XYLT1: variants seen among roughly 807,000 people sequenced by gnomAD.
XYLT1 encodes the protein beta-D-xylosyltransferase 1.
In XYLT1, 36 loss-of-function variants were observed where a neutral mutation model predicts 91.3. The observed-to-expected ratio is 0.39, with a 90% CI of 0.30 to 0.52. XYLT1 has a LOEUF of 0.52. Ranked by LOEUF, XYLT1 falls within the 20% of genes least tolerant of loss-of-function variation. XYLT1 has a pLI of 0.68. For missense variants in XYLT1, 1,242 were observed against 1,284.5 expected (o/e 0.97, Z 0.51); for synonymous variants, 588 against 532.0 (o/e 1.11, Z -1.45).
chr16:17,272,809 G>C (rs1349898935), intron 2 of XYLT1, among the ~76,000 whole-genome samples: 3 of 152,196 alleles, frequency 2.0e-5, no homozygotes, highest in South Asian at 4.1e-4. Flanking sequence ...CAATGACACA[G>C]GCTCTTCCGG....
chr16:17,420,040 G>A (rs537106677), intron 1 of XYLT1, among the ~76,000 whole-genome samples: 1 of 152,330 alleles, frequency 6.6e-6, no homozygotes, highest in Non-Finnish European at 1.5e-5. Flanking sequence ...ACTGGGTGAA[G>A]TTTATTCAAA....
At chr16:17,254,779 G>A (rs1194983474) in intron 3 of XYLT1, among the ~76,000 whole-genome samples, 2 of 152,158 alleles carry the variant, frequency 1.3e-5, no homozygotes, top group Non-Finnish European at 2.9e-5. Context: ...TTACCAGTAA[G>A]CTTTCAGTCA....
intron 7 of XYLT1, among the ~76,000 whole-genome samples, chr16:17,140,704 G>C (rs1039724895): frequency 4.2e-5 from 6 of 144,220 alleles, no homozygotes; most frequent in Non-Finnish European, 9.0e-5. Context: ...TGATGTGGGT[G>C]TGTCCTGAAA....
chr16:17,166,177 G>A (rs548660582), intron 5 of XYLT1, among the ~76,000 whole-genome samples: 50 of 152,348 alleles, frequency 3.3e-4, no homozygotes, highest in Admixed American at 1.9e-3. Context: ...AGGACCTTCT[G>A]TCAAGCAACG....
intron 1 of XYLT1, chr16:17,369,831 G>C (rs1385871363): frequency 6.6e-6 from 1 of 152,144 alleles, no homozygotes; most frequent in East Asian, 1.9e-4. Flanking sequence ...AGCCGCCTTG[G>C]GCAGCTGCCT....
At chr16:17,183,690 T>C (rs2032118536) in intron 5 of XYLT1, among the ~76,000 whole-genome samples, 1 of 152,246 alleles carries the variant, frequency 6.6e-6, no homozygotes, top group Non-Finnish European at 1.5e-5. Flanking sequence ...TCAAGAAATG[T>C]CAGCAAATAT....
At chr16:17,416,438 T>C (rs1400580707) in intron 1 of XYLT1, among the ~76,000 whole-genome samples, 1 of 152,152 alleles carries the variant, frequency 6.6e-6, no homozygotes, top group Non-Finnish European at 1.5e-5. Context: ...TGAAAGGCCA[T>C]GTGTCCTGGT....
At chr16:17,415,729 A>T (rs546652072) in intron 1 of XYLT1, among the ~76,000 whole-genome samples, 56 of 152,092 alleles carry the variant, frequency 3.7e-4, no homozygotes, top group Admixed American at 3.4e-3. Flanking sequence ...ATAAATGGAG[A>T]GTTCAGATGG....
chr16:17,368,848 T>C (rs1192195851), intron 1 of XYLT1, among the ~76,000 whole-genome samples: 3 of 152,114 alleles, frequency 2.0e-5, no homozygotes, highest in African/African-American at 7.2e-5. Flanking sequence ...CCTCCCGAAT[T>C]GCTGGAATTG....
chr16:17,418,294 GA>G (rs2036205403), intron 1 of XYLT1, among the ~76,000 whole-genome samples: 1 of 152,212 alleles, frequency 6.6e-6, no homozygotes, highest in Non-Finnish European at 1.5e-5. Context: ...TTATGGATTA[GA>G]CAAAGAATGT....
At chr16:17,369,021 C>G (rs1287051342) in intron 1 of XYLT1, among the ~76,000 whole-genome samples, 3 of 151,218 alleles carry the variant, frequency 2.0e-5, no homozygotes, top group Non-Finnish European at 4.4e-5. Flanking sequence ...CAGAGCCAGG[C>G]CCATTTAACC....
chr16:17,459,818 A>G (rs2036792266), intron 1 of XYLT1, among the ~76,000 whole-genome samples: 1 of 152,064 alleles, frequency 6.6e-6, no homozygotes, highest in African/African-American at 2.4e-5. Flanking sequence ...GCAGACCCCA[A>G]CCAGTATCTG....
At chr16:17,233,387 C>A (rs1023671685) in intron 3 of XYLT1, among the ~76,000 whole-genome samples, 2 of 152,222 alleles carry the variant, frequency 1.3e-5, no homozygotes, top group Admixed American at 1.3e-4. Context: ...GGAAAGGAAG[C>A]AGCCTGGTTT....
At chr16:17,169,005 C>T (rs372302775) in intron 5 of XYLT1, among the ~76,000 whole-genome samples, 1 of 152,212 alleles carries the variant, frequency 6.6e-6, no homozygotes, top group African/African-American at 2.4e-5. Context: ...TTTCATAACT[C>T]TAAGACTGTG....
At chr16:17,190,736 A>AC (rs2032291902) in intron 5 of XYLT1, among the ~76,000 whole-genome samples, 1 of 152,116 alleles carries the variant, frequency 6.6e-6, no homozygotes, top group South Asian at 2.1e-4. Flanking sequence ...GCTCTTGTGA[A>AC]CAGTGCCACA....
rs1181362142 is a variant in XYLT1, at chr16:17,112,562, C to T, written c.2558-3545G>A. On this transcript the variant is annotated intron_variant, in intron 11 of 11. Transcript: ENST00000261381. ...TTCTGACCAACAGGTGTACCTGAAG[C>T]AGCGAAGACACAGCCATTTACTCCC... Among the ~76,000 whole-genome samples, 5 of 152,250 alleles carry T rather than the reference C, an allele frequency of 3.3e-5. No individual in the cohort carries two copies. The South Asian group carries it at 6.2e-4, about 19-fold the overall frequency.
In XYLT1 at chr16:17,164,135, T is replaced by G. The variant is rs1350775236; in HGVS notation, c.1290-5226A>C. 2.9e-5 allele frequency among the ~76,000 whole-genome samples: 4 copies of G among 139,656 alleles called. No individual in the cohort carries two copies. In the Admixed American group the frequency reaches 3.0e-4, roughly 10 times the overall value. The allele number at this position is 139,656 out of a possible 152,430, so 91.6% of individuals were successfully genotyped here. A position where few individuals can be genotyped will look rare whatever the true frequency, so the allele number is the denominator to read the frequency against. On this transcript the variant is annotated intron_variant, in intron 5 of 11. Coordinates refer to ENST00000261381, the MANE Select transcript of XYLT1 (RefSeq NM_022166.4). ...AAGTTGAGGAAGTTGAGGGTTGAGG[T>G]GCTTTCAACCTAAGCTGAGAATAGA...
intron 3 of XYLT1, among the ~76,000 whole-genome samples, chr16:17,232,944 G>C (rs1025726879): frequency 6.6e-6 from 1 of 151,882 alleles, no homozygotes; most frequent in Non-Finnish European, 1.5e-5. Context: ...GCCCCCTTTG[G>C]GCATAATTCT....
intron 2 of XYLT1, among the ~76,000 whole-genome samples, chr16:17,290,963 C>T (rs114942396): frequency 2.0e-3 from 307 of 152,270 alleles, no homozygotes; most frequent in African/African-American, 6.9e-3. Context: ...TTTTGAGACA[C>T]GGTCTCTGTC....
Sources: gnomAD v4.1 joint callset for allele counts (sites outside exome capture counted in the v4.1 genomes callset) on GRCh38, gnomAD v4.1.1 for gene constraint, MANE v1.5 for transcripts, NCBI Gene and HGNC (gene_info 2026-07-23, HGNC 2026-07-21) for gene names.